ITPR1: variants seen among roughly 807,000 people sequenced by gnomAD.
ITPR1 encodes inositol 1,4,5-trisphosphate-gated calcium channel ITPR1.
A neutral mutation model predicts 318.4 loss-of-function variants in ITPR1; 96 were observed. The ratio of observed to expected loss-of-function variants is 0.30; its 90% CI spans 0.26 to 0.36. The LOEUF (loss-of-function observed/expected upper bound fraction) is 0.36. Among genes scored for constraint, ITPR1 ranks in the 10% least tolerant of loss-of-function variants. The pLI, the probability that ITPR1 is intolerant of heterozygous loss-of-function variation, is 1.00. For synonymous variants in ITPR1, 1,312 were observed against 1,289.9 expected (o/e 1.02, Z -0.37); for missense variants, 2,440 against 3,460.2 (o/e 0.71, Z 7.40).
chr3:4,685,778 G>C (rs929262502), intron 30 of ITPR1, among the ~76,000 whole-genome samples: 1 of 152,206 alleles, frequency 6.6e-6, no homozygotes, highest in African/African-American at 2.4e-5. Context: ...GGCAGGAGCA[G>C]GCTGACAGTG....
chr3:4,741,978 A>G (rs774812593), intron 44 of ITPR1, among the ~76,000 whole-genome samples: 2 of 152,132 alleles, frequency 1.3e-5, no homozygotes, highest in Non-Finnish European at 2.9e-5. Context: ...AGCTGTTGGC[A>G]TTAAAGAAAG....
At chr3:4,766,382 T>C (rs888837355) in intron 44 of ITPR1, 148 bp from the exon 45 acceptor site, 11 of 606,304 alleles carry the variant, frequency 1.8e-5, no homozygotes, top group Non-Finnish European at 3.2e-5. Flanking sequence ...AACTACAGTG[T>C]GTGGAGTGGT....
intron 44 of ITPR1, among the ~76,000 whole-genome samples, chr3:4,742,188 A>C (rs2043755341): frequency 6.6e-6 from 1 of 152,178 alleles, no homozygotes; most frequent in African/African-American, 2.4e-5. Flanking sequence ...TCCAGACCAC[A>C]ATATTTGTGC....
intron 47 of ITPR1, 52 bp downstream of exon 47, chr3:4,775,494 A>G: frequency 7.2e-7 from 1 of 1,385,610 alleles, no homozygotes; most frequent in South Asian, 1.2e-5. Flanking sequence ...CATTTTGGAA[A>G]TGTTGATAGA....
At chr3:4,538,013 G>C (rs1194186128) in intron 4 of ITPR1, among the ~76,000 whole-genome samples, 1 of 151,940 alleles carries the variant, frequency 6.6e-6, no homozygotes, top group Non-Finnish European at 1.5e-5. Flanking sequence ...GGTTGGTTTT[G>C]AAGTTCATTA....
intron 30 of ITPR1, among the ~76,000 whole-genome samples, chr3:4,687,286 C>T (rs1216265384): frequency 2.0e-5 from 3 of 152,206 alleles, no homozygotes; most frequent in East Asian, 1.9e-4. Context: ...CAGTCTAGCC[C>T]GGAACCAAAA....
At chr3:4,816,731 G>C (rs1313866351) in intron 59 of ITPR1, among the ~76,000 whole-genome samples, 1 of 152,188 alleles carries the variant, frequency 6.6e-6, no homozygotes, top group Non-Finnish European at 1.5e-5. Flanking sequence ...CTAATTGCCA[G>C]GTTTTTCCAG....
At chr3:4,832,676 T>C (rs1052365451) in intron 60 of ITPR1, among the ~76,000 whole-genome samples, 1 of 152,216 alleles carries the variant, frequency 6.6e-6, no homozygotes, top group African/African-American at 2.4e-5. Context: ...ACGTAACTTT[T>C]TGAATTTAAT....
intron 4 of ITPR1, among the ~76,000 whole-genome samples, chr3:4,570,750 G>T (rs1379278150): frequency 6.6e-6 from 1 of 152,250 alleles, no homozygotes; most frequent in East Asian, 1.9e-4. Flanking sequence ...CCATTTTGGG[G>T]AGCCAAGTTG....
chr3:4,630,920 A>T (rs181543253), intron 5 of ITPR1, among the ~76,000 whole-genome samples: 13 of 152,108 alleles, frequency 8.5e-5, no homozygotes, highest in Non-Finnish European at 1.6e-4. Context: ...TCACTATGCT[A>T]TGTGTTTAAT....
chr3:4,580,814 G>A (rs2089258645), intron 4 of ITPR1, among the ~76,000 whole-genome samples: 1 of 152,162 alleles, frequency 6.6e-6, no homozygotes, highest in Non-Finnish European at 1.5e-5. Flanking sequence ...CGCCTCTTGG[G>A]GAAGAGGGAT....
At chr3:4,499,254 A>C (rs304067) in intron 2 of ITPR1, among the ~76,000 whole-genome samples, 56,184 of 152,072 alleles carry the variant, frequency 0.37, 10,560 homozygotes, top group Admixed American at 0.41. Flanking sequence ...TTCAACTATT[A>C]GAGATTAGGG....
chr3:4,814,579 G>T lies in ITPR1; in HGVS notation c.7701+17G>T. ...TCCAAAGAGGTAAATTAATCCCGAGGGGAAGGAAGGGCAAAGGGGGCGGGT... is the reference window on the plus strand; with the variant it reads ...TCCAAAGAGGTAAATTAATCCCGAGTGGAAGGAAGGGCAAAGGGGGCGGGT... On this transcript the variant is annotated intron_variant, in intron 58 of 61. Coordinates refer to ENST00000649015, the MANE Select transcript of ITPR1 (RefSeq NM_001378452.1). The T allele has an allele frequency of 6.4e-7, 1 of 1,557,622 alleles. No individual in the cohort carries two copies. Among genetic ancestry groups the T allele is most frequent in the South Asian group, 1.1e-5 (1 of 89,472 alleles).
At chr3:4,637,332 TTA>T (rs1490848465) in intron 5 of ITPR1, among the ~76,000 whole-genome samples, 1 of 152,158 alleles carries the variant, frequency 6.6e-6, no homozygotes, top group Non-Finnish European at 1.5e-5. Flanking sequence ...CAGTCCAATG[TTA>T]TGTTTGGAAG....
chr3:4,516,103 A>T (rs180926837), intron 2 of ITPR1, among the ~76,000 whole-genome samples: 11 of 152,318 alleles, frequency 7.2e-5, no homozygotes, highest in African/African-American at 2.2e-4. Flanking sequence ...TTAATGTTTC[A>T]TAAGTCAGAC....
intron 4 of ITPR1, among the ~76,000 whole-genome samples, chr3:4,612,010 C>T (rs139865363): frequency 6.7e-6 from 1 of 149,154 alleles, no homozygotes; most frequent in Non-Finnish European, 1.5e-5. Flanking sequence ...AATAGTAATA[C>T]AACAATTAAA....
At chr3:4,776,148 G>A (rs2046470660) in intron 47 of ITPR1, among the ~76,000 whole-genome samples, 1 of 152,124 alleles carries the variant, frequency 6.6e-6, no homozygotes, top group Non-Finnish European at 1.5e-5. Flanking sequence ...GTGCAATCTC[G>A]GCTCACTGCC....
At chr3:4,559,146 T>A (rs2125013521) in intron 4 of ITPR1, among the ~76,000 whole-genome samples, 1 of 143,622 alleles carries the variant, frequency 7.0e-6, no homozygotes, top group East Asian at 2.0e-4. Flanking sequence ...TGTGCAACTG[T>A]GCCCACCTGA....
At chr3:4,824,546 G>C (rs1020293906) in intron 60 of ITPR1, among the ~76,000 whole-genome samples, 5 of 152,128 alleles carry the variant, frequency 3.3e-5, no homozygotes, top group Non-Finnish European at 7.4e-5. Context: ...CCATTGGCTG[G>C]CTGGCGGCAT....
Sources: gnomAD v4.1 joint callset for allele counts (sites outside exome capture counted in the v4.1 genomes callset) on GRCh38, gnomAD v4.1.1 for gene constraint, MANE v1.5 for transcripts, NCBI Gene and HGNC (gene_info 2026-07-23, HGNC 2026-07-21) for gene names.